PITRM1: variants seen among roughly 807,000 people sequenced by gnomAD.
The protein encoded by PITRM1 is presequence protease, mitochondrial.
In PITRM1, 100 loss-of-function variants were observed where a neutral mutation model predicts 129.9. That is an observed-to-expected ratio of 0.77 (90% CI 0.65 to 0.91). The LOEUF (loss-of-function observed/expected upper bound fraction) is 0.91. PITRM1 is among the 40% of genes least tolerant of loss of function. The pLI, the probability that PITRM1 is intolerant of heterozygous loss-of-function variation, is 0.00. For missense variants in PITRM1, 1,471 were observed against 1,318.3 expected, an observed-to-expected ratio of 1.12 and a Z score of -1.79; for synonymous variants, 591 against 508.8, an observed-to-expected ratio of 1.16 and a Z score of -2.17.
At chr10:3,153,863 T>A (rs924263546) in intron 14 of PITRM1, among the ~76,000 whole-genome samples, 2 of 152,248 alleles carry the variant, frequency 1.3e-5, no homozygotes, top group Admixed American at 6.5e-5. Flanking sequence ...GAAAAGTAAG[T>A]GCATGTGTGT....
chr10:3,160,273 T>C lies in PITRM1; in HGVS notation c.849A>G (p.Glu283=). 6.2e-7 allele frequency: 1 copy of C among 1,613,696 alleles called. No individual in the cohort carries two copies. The highest frequency in any genetic ancestry group is 1.1e-5 in the South Asian group (1 of 91,082). Residue 283 remains glutamate, a synonymous_variant, in exon 8 of 27, where the codon GAA becomes GAG. Transcript: ENST00000224949. ...LEQHLKQIHE[E]ALSKFQKIEP... ...CAATTTTCTGGAATTTGCTCAGTGC[T>C]TCCTCGTGAATTTGTTTCAGATGCT...
chr10:3,140,144 T>C (rs1287264637), intron 24 of PITRM1, among the ~76,000 whole-genome samples: 3 of 152,148 alleles, frequency 2.0e-5, no homozygotes, highest in African/African-American at 7.2e-5. Context: ...ACAACAATTA[T>C]ACTGTAATAA....
chr10:3,147,059 C>G, intron 20 of PITRM1, 91 bp downstream of exon 20: 1 of 647,496 alleles, frequency 1.5e-6, no homozygotes, highest in Non-Finnish European at 2.7e-6. Context: ...ACCAAGCACT[C>G]TATCTTGAAG....
chr10:3,147,936 A>G (rs1194519888), intron 18 of PITRM1, 51 bp downstream of exon 18: 3 of 1,423,798 alleles, frequency 2.1e-6, no homozygotes, highest in Non-Finnish European at 3.0e-6. Flanking sequence ...TACTTCAAAC[A>G]AAGATCTCTA....
At chr10:3,141,513 AACAC>A (rs1387060399) in intron 23 of PITRM1, 1 of 226,242 alleles carries the variant, frequency 4.4e-6, no homozygotes, top group Non-Finnish European at 1.0e-5. Context: ...CCCTTAAGAA[AACAC>A]ACACTCTCTG....
At chr10:3,171,147 TAAAAAAAAAAAAAAA>T (rs1169315061) in intron 1 of PITRM1, among the ~76,000 whole-genome samples, 72 of 49,206 alleles carry the variant, frequency 1.5e-3, no homozygotes, top group African/African-American at 5.2e-3. Flanking sequence ...ATCGTTCAAT[TAAAAAAAAAAAAAAA>T]AAAAAAAAAA....
At chr10:3,158,006 C>T (rs370109022) in intron 11 of PITRM1, 34 bp downstream of exon 11, 21 of 1,335,322 alleles carry the variant, frequency 1.6e-5, no homozygotes, top group Middle Eastern at 1.8e-4. Context: ...GAATGAGGAA[C>T]GAAAGCAGAT....
rs774545666 is a variant in PITRM1, at chr10:3,158,989, G to A, written c.1061C>T (p.Thr354Ile). The A allele has an allele frequency of 3.1e-6, 5 of 1,613,482 alleles. No homozygotes were observed. Among genetic ancestry groups the A allele is most frequent in the Non-Finnish European group, 4.2e-6 (5 of 1,179,564 alleles). The stretch of plus-strand genomic sequence containing the variant: ...GTAAAAGGGAGAATTGGGCCCAGAA[G>A]TCAAGAGTGAAGACAGAAGACTTAA... ...FTLSLLSSLL[T>I]SGPNSPFYKA... The change falls in exon 10 of 27, where the codon ACT becomes ATT. Residue 354 changes from threonine to isoleucine, a missense_variant. By Grantham distance (89) the Thr-to-Ile change is moderately conservative. Transcript: ENST00000224949.
chr10:3,166,697 C>CGCAT (rs1564435552), intron 3 of PITRM1, among the ~76,000 whole-genome samples: 1 of 152,206 alleles, frequency 6.6e-6, no homozygotes, highest in Non-Finnish European at 1.5e-5. Context: ...AGCCTGCAGC[C>CGCAT]CGCATGCTCA....
At chr10:3,139,468 G>A (rs985938081) in intron 24 of PITRM1, among the ~76,000 whole-genome samples, 8 of 152,200 alleles carry the variant, frequency 5.3e-5, no homozygotes, top group Non-Finnish European at 1.2e-4. Context: ...GAATCAGCCT[G>A]AGGGGGCCAA....
rs746203985 is a variant in PITRM1 at position 3,159,070 on chromosome 10, G to A, written c.1008-28C>T. ...GCATTGAAAAAAAAAGGAACGGGGA[G>A]GTAAGAAAAGAGTAAAGGGAAAATT... On this transcript the variant is annotated intron_variant, in intron 9 of 26. Transcript: ENST00000224949. 2.5e-6 allele frequency: 4 copies of A among 1,587,532 alleles called. No homozygotes were observed. The Admixed American group carries it at 7.3e-5, about 29-fold the overall frequency.
At chr10:3,171,110 G>A (rs1258854273) in intron 1 of PITRM1, among the ~76,000 whole-genome samples, 4 of 119,916 alleles carry the variant, frequency 3.3e-5, no homozygotes, top group African/African-American at 9.8e-5. Context: ...GAGGTGTATC[G>A]ACAGAGAATG....
chr10:3,143,763 G>A (rs1487169166), intron 22 of PITRM1: 4 of 679,752 alleles, frequency 5.9e-6, no homozygotes, highest in East Asian at 3.0e-5. Flanking sequence ...TTGACGTGAT[G>A]CCTTAACGTA....
intron 2 of PITRM1, chr10:3,167,964 C>G (rs1475260097): frequency 1.3e-5 from 2 of 152,124 alleles, no homozygotes; most frequent in African/African-American, 4.8e-5. Flanking sequence ...AGGTCATCTC[C>G]TACTTTAGGT....
chr10:3,157,308 T>A (rs1207517520), intron 12 of PITRM1, 127 bp downstream of exon 12: 1 of 640,158 alleles, frequency 1.6e-6, no homozygotes, highest in Non-Finnish European at 2.6e-6. Flanking sequence ...AACAGATTAC[T>A]AGTTATAAAC....
Position 3,163,716 on chromosome 10 carries a change from AAAT to A in PITRM1, c.791+6_791+8del. On this transcript the variant is annotated splice_donor_region_variant and intron_variant, in intron 7 of 26. Transcript: ENST00000224949. ...AATCCACCATCAAACTTTTCCAACA[AAAT>A]ATTACCTAGCATTGCTTGGGTGATA... 1 of 1,587,176 alleles carries A rather than the reference AAAT, an allele frequency of 6.3e-7. No homozygotes were observed. The highest frequency in any genetic ancestry group is 8.6e-7 in the Non-Finnish European group (1 of 1,166,288).
intron 13 of PITRM1, among the ~76,000 whole-genome samples, chr10:3,156,661 GAAC>G (rs1239963414): frequency 2.0e-5 from 3 of 151,920 alleles, no homozygotes; most frequent in Non-Finnish European, 2.9e-5. Flanking sequence ...ACTAATAAAA[GAAC>G]AATATATGCA....
intron 2 of PITRM1, 132 bp downstream of exon 2, chr10:3,169,972 G>A (rs1258043481): frequency 1.7e-6 from 1 of 598,892 alleles, no homozygotes; most frequent in Non-Finnish European, 3.0e-6. Context: ...CCACACAGCA[G>A]GAGCTGGGCC....
chr10:3,162,157 T>TA (rs1564426411), intron 7 of PITRM1, among the ~76,000 whole-genome samples: 3 of 131,926 alleles, frequency 2.3e-5, no homozygotes, highest in Admixed American at 7.9e-5. Flanking sequence ...GACCCTGTCT[T>TA]TAAAAAAAAA....
Sources: allele counts gnomAD v4.1 joint callset (sites outside exome capture counted in the v4.1 genomes callset), GRCh38; gene constraint gnomAD v4.1.1; transcripts MANE v1.5; gene names NCBI Gene and HGNC (gene_info 2026-07-23, HGNC 2026-07-21).